LAMB4: variants seen among roughly 807,000 people sequenced by gnomAD.
The protein encoded by LAMB4 is laminin subunit beta-4.
LAMB4 carries 196 observed loss-of-function variants against 199.2 expected under a neutral mutation model. The observed-to-expected ratio is 0.98, with a 90% confidence interval of 0.88 to 1.11. LAMB4 has a LOEUF of 1.11. Ranked by LOEUF, LAMB4 falls within the 50% of genes least tolerant of loss-of-function variation. LAMB4 has a pLI of 0.00. For synonymous variants in LAMB4, 744 were observed against 770.6 expected (o/e 0.97, Z 0.57); for missense variants, 2,080 against 2,171.2 (o/e 0.96, Z 0.83).
chr7:108,021,707 C>A (rs2034697986), downstream of LAMB4, among the ~76,000 whole-genome samples: 1 of 150,260 alleles, frequency 6.7e-6, no homozygotes, highest in Non-Finnish European at 1.5e-5. Context: ...AAAACTTTGT[C>A]TCAAAAAAAA....
Position 108,063,915 on chromosome 7 carries a change from T to A in LAMB4, c.2907A>T (p.Pro969=), listed in dbSNP as rs2036251094. ...NPRISGAPCQ[P]CACNNNIDVT... ...CATCTATGTTGTTGTTGCAGGCACA[T>A]GGTTGGCAAGGTGCTCCTGAAATTC... is the stretch of plus-strand genomic sequence containing the variant. Residue 969 remains proline (P), a synonymous_variant, in exon 22 of 34, where the codon CCA becomes CCT. Transcript: ENST00000388781. 1.2e-6 allele frequency: 2 copies of A among 1,614,162 alleles called. No individual in the cohort carries two copies. The highest frequency in any genetic ancestry group is 1.7e-6 in the Non-Finnish European group (2 of 1,180,022).
At chr7:108,072,368 AT>A (rs1185354727) in intron 17 of LAMB4, among the ~76,000 whole-genome samples, 1 of 152,024 alleles carries the variant, frequency 6.6e-6, no homozygotes, top group African/African-American at 2.4e-5. Flanking sequence ...TGATTTATTT[AT>A]CCATACTTTC....
chr7:108,097,034 C>T (rs1677242614), intron 11 of LAMB4, among the ~76,000 whole-genome samples: 1 of 149,786 alleles, frequency 6.7e-6, no homozygotes, highest in Non-Finnish European at 1.5e-5. Context: ...TGGAGGACAT[C>T]ATTTTAGTCA....
intron 2 of LAMB4, among the ~76,000 whole-genome samples, chr7:108,122,284 T>C (rs1584795584): frequency 6.6e-6 from 1 of 152,164 alleles, no homozygotes; most frequent in East Asian, 1.9e-4. Context: ...CAGGTGCAGG[T>C]TAAAATAACT....
rs1636944 is a variant in LAMB4 at position 108,023,984 on chromosome 7, G to A, written c.*55C>T. The A allele has an allele frequency of 0.076, 113,345 of 1,496,694 alleles. 14,123 individuals carry two copies. Among genetic ancestry groups the A allele is most frequent in the African/African-American group, 0.58 (40,575 of 69,642 alleles). The allele number at this position is 1,496,694 out of a possible 1,614,324, so 92.7% of individuals were successfully genotyped here. On this transcript the variant is annotated 3_prime_UTR_variant, in exon 34 of 34. Coordinates refer to ENST00000388781, the MANE Select transcript of LAMB4 (RefSeq NM_007356.3). ...TCACAGGTTCAACAGAGCCCCAGGGGCTTGTACATCAGAAACCAGAAACAA... is the reference window on the plus strand; with the variant it reads ...TCACAGGTTCAACAGAGCCCCAGGGACTTGTACATCAGAAACCAGAAACAA...
chr7:108,044,383 A>C (rs2035542819), intron 28 of LAMB4: 1 of 153,046 alleles, frequency 6.5e-6, no homozygotes, highest in South Asian at 2.1e-4. Flanking sequence ...CTCTTAATAA[A>C]TGAGCTTGAA....
rs146912789 is a variant in LAMB4 at position 108,079,776 on chromosome 7, G to A, written c.1712C>T (p.Thr571Met). ...LQGLAPLGSETFGQSPAVHVV... is the reference protein window; with the variant it reads ...LQGLAPLGSEMFGQSPAVHVV... ...GTGAACAGCAGGACTCTGGCCAAAC[G>A]TCTCCGAGCCCTAAAATGGGAGAGG... The change falls in exon 15 of 34, where the codon ACG (threonine) becomes ATG (methionine). Residue 571 changes from threonine (T) to methionine (M), a missense_variant. Coordinates refer to ENST00000388781, the MANE Select transcript of LAMB4 (RefSeq NM_007356.3). The A allele has an allele frequency of 1.8e-4, 286 of 1,581,154 alleles. No homozygotes were observed. The highest frequency in any genetic ancestry group is 7.1e-4 in the African/African-American group (52 of 73,420).
At chr7:108,114,421 A>C (rs1336933285) in intron 3 of LAMB4, among the ~76,000 whole-genome samples, 4 of 150,312 alleles carry the variant, frequency 2.7e-5, no homozygotes, top group African/African-American at 1.0e-4. Flanking sequence ...CCTGGGTGAC[A>C]GAGCGAGACC....
intron 11 of LAMB4, among the ~76,000 whole-genome samples, chr7:108,098,046 T>C (rs2037679599): frequency 6.6e-6 from 1 of 152,152 alleles, no homozygotes; most frequent in Non-Finnish European, 1.5e-5. Flanking sequence ...TTCATGATCA[T>C]CAATTTTTAG....
At chr7:108,054,230 G>A (rs1222909421) in intron 25 of LAMB4, among the ~76,000 whole-genome samples, 5 of 152,084 alleles carry the variant, frequency 3.3e-5, no homozygotes, top group African/African-American at 1.2e-4. Flanking sequence ...AAGCCACTGT[G>A]CCCAGCCCAG....
chr7:108,064,988 C>T (rs543395097), intron 21 of LAMB4, among the ~76,000 whole-genome samples: 1 of 151,234 alleles, frequency 6.6e-6, no homozygotes, highest in East Asian at 1.9e-4. Flanking sequence ...TCACTGTAGC[C>T]ATGAACTCCT....
chr7:108,038,489 C>T (rs2035308560), intron 29 of LAMB4, among the ~76,000 whole-genome samples: 1 of 152,186 alleles, frequency 6.6e-6, no homozygotes, highest in South Asian at 2.1e-4. Context: ...CCATGCTCTA[C>T]TTTCCAGAAA....
chr7:108,092,271 G>T (rs113567377), intron 13 of LAMB4, 66 bp downstream of exon 13: 5 of 1,215,700 alleles, frequency 4.1e-6, no homozygotes, highest in Admixed American at 3.5e-5. Flanking sequence ...GACTATGAGC[G>T]TATCAGAATA....
Position 108,097,376 on chromosome 7 carries a change from T to C in LAMB4, c.1360+1027A>G, listed in dbSNP as rs1396971618. ...TTGGCCTTAGAAAACTGCTGAGGTG[T>C]TTTTCTATTTCCGCTCCCCCGCTTC... On this transcript the variant is annotated intron_variant, in intron 11 of 33. Coordinates refer to ENST00000388781, the MANE Select transcript of LAMB4 (RefSeq NM_007356.3). Among the ~76,000 whole-genome samples, 6 of 152,328 alleles carry C rather than the reference T, an allele frequency of 3.9e-5. No individual in the cohort carries two copies. The East Asian group carries it at 1.2e-3, about 29-fold the overall frequency.
At chr7:108,040,383 C>T (rs1038945240) in intron 29 of LAMB4, among the ~76,000 whole-genome samples, 1 of 152,178 alleles carries the variant, frequency 6.6e-6, no homozygotes, top group African/African-American at 2.4e-5. Context: ...CTACCAATGA[C>T]ATTCTTCACA....
downstream of LAMB4, among the ~76,000 whole-genome samples, chr7:108,021,901 G>C (rs750530607): frequency 4.6e-5 from 7 of 152,168 alleles, no homozygotes; most frequent in Non-Finnish European, 1.0e-4. Flanking sequence ...CAAAGTCAAA[G>C]GGAATAGATA....
intron 23 of LAMB4, 46 bp from the exon 24 acceptor site, chr7:108,057,974 A>T: frequency 8.8e-7 from 1 of 1,130,072 alleles, no homozygotes; most frequent in South Asian, 1.3e-5. Context: ...TTTATGGTCT[A>T]AAAAAAAATG....
chr7:108,091,012 C>T (rs763515227), intron 14 of LAMB4, among the ~76,000 whole-genome samples: 18 of 152,138 alleles, frequency 1.2e-4, no homozygotes, highest in Non-Finnish European at 2.2e-4. Flanking sequence ...AATTAGTCCC[C>T]CTTGTTTTCT....
At chr7:108,079,974 C>A (rs1439972869) in intron 14 of LAMB4, among the ~76,000 whole-genome samples, 188 bp from the exon 15 acceptor site, 1 of 152,178 alleles carries the variant, frequency 6.6e-6, no homozygotes, top group Non-Finnish European at 1.5e-5. Context: ...GCTAATACTG[C>A]AGCTTTGGAA....
Sources: gnomAD v4.1 joint callset for allele counts (sites outside exome capture counted in the v4.1 genomes callset) on GRCh38, gnomAD v4.1.1 for gene constraint, MANE v1.5 for transcripts, NCBI Gene and HGNC (gene_info 2026-07-23, HGNC 2026-07-21) for gene names.